Variants in WWC1 observed in about 807,000 individuals in gnomAD.
WWC1 encodes protein KIBRA.
A neutral mutation model predicts 138.4 loss-of-function variants in WWC1; 55 were observed. The observed-to-expected ratio is 0.40, with a 90% CI of 0.32 to 0.50. The LOEUF (loss-of-function observed/expected upper bound fraction) is 0.50, where lower values mean the gene tolerates loss of function less well. WWC1 is among the 20% of genes least tolerant of loss of function. The pLI, the probability that WWC1 is intolerant of heterozygous loss-of-function variation, is 0.72. For missense variants in WWC1, 1,226 were observed against 1,420.4 expected, an observed-to-expected ratio of 0.86 and a Z score of 2.20; for synonymous variants, 524 against 564.9, an observed-to-expected ratio of 0.93 and a Z score of 1.03.
At chr5:168,456,273 C>T (rs1205058385) in intron 19 of WWC1, among the ~76,000 whole-genome samples, 1 of 151,966 alleles carries the variant, frequency 6.6e-6, no homozygotes, top group East Asian at 1.9e-4. Flanking sequence ...CACAGCACTC[C>T]AGCCTGGGCA....
At chr5:168,408,838 G>A (rs1291431581) in intron 7 of WWC1, among the ~76,000 whole-genome samples, 185 bp downstream of exon 7, 1 of 152,162 alleles carries the variant, frequency 6.6e-6, no homozygotes, top group African/African-American at 2.4e-5. Flanking sequence ...AGGAGGATAT[G>A]ATGTGATGCT....
At chr5:168,434,005 C>G (rs1340280931) in intron 15 of WWC1, among the ~76,000 whole-genome samples, 1 of 152,248 alleles carries the variant, frequency 6.6e-6, no homozygotes, top group East Asian at 1.9e-4. Flanking sequence ...CACGTCAGCG[C>G]CTCTGTGTTG....
chr5:168,375,936 C>G (rs926277207), intron 2 of WWC1, among the ~76,000 whole-genome samples: 1 of 150,532 alleles, frequency 6.6e-6, no homozygotes, highest in Non-Finnish European at 1.5e-5. Flanking sequence ...ATTCAGTATC[C>G]CCGATTATCT....
Position 168,428,853 on chromosome 5 carries a change from G to T in WWC1, c.2000+66G>T, listed in dbSNP as rs946226711. The T allele has an allele frequency of 3.2e-6, 5 of 1,565,402 alleles. No individual in the cohort carries two copies. In the East Asian group the frequency reaches 1.1e-4, roughly 35 times the overall value. On this transcript the variant is annotated intron_variant, in intron 13 of 22. Transcript: ENST00000265293. ...GTGGGGTCCCTTCTTCATCCACAGC[G>T]TTCCCCAGCATTTACCTTCACAGCC...
At position 168,397,758 on chromosome 5, in the gene WWC1, C is replaced by A. The variant is rs1241779158; in HGVS notation, c.468C>A (p.Asp156Glu). 6.2e-7 allele frequency: 1 copy of A among 1,614,006 alleles called. No individual in the cohort carries two copies. Among genetic ancestry groups the A allele is most frequent in the South Asian group, 1.1e-5 (1 of 91,082 alleles). ...VSGSSSSSKY[D>E]PEILKAEIAT... Reference sequence around the variant, plus strand: ...GTTCATCATCCAGCTCCAAGTATGACCCTGAGATCCTGAAAGCTGAAATTG... The same window carrying A: ...GTTCATCATCCAGCTCCAAGTATGAACCTGAGATCCTGAAAGCTGAAATTG... Residue 156 changes from aspartate (D) to glutamate (E), a missense_variant, in exon 4 of 23, where the codon GAC becomes GAA. Coordinates refer to ENST00000265293, the MANE Select transcript of WWC1 (RefSeq NM_015238.3).
At chr5:168,466,428 C>T (rs1405953617) in intron 21 of WWC1, among the ~76,000 whole-genome samples, 1 of 152,188 alleles carries the variant, frequency 6.6e-6, no homozygotes, top group East Asian at 1.9e-4. Context: ...TGCACACAGC[C>T]AGCCTTGCTG....
intron 1 of WWC1, among the ~76,000 whole-genome samples, chr5:168,305,643 A>C (rs1210831135): frequency 6.6e-6 from 1 of 152,148 alleles, no homozygotes; most frequent in East Asian, 1.9e-4. Flanking sequence ...TTAGCTCTGC[A>C]ATGGACGAAT....
intron 9 of WWC1, among the ~76,000 whole-genome samples, chr5:168,417,838 G>A (rs913051773): frequency 2.0e-5 from 3 of 152,200 alleles, no homozygotes; most frequent in Non-Finnish European, 4.4e-5. Context: ...GTCTAAGGAG[G>A]AAGCCCACAG....
intron 1 of WWC1, among the ~76,000 whole-genome samples, chr5:168,332,972 G>A (rs1773162849): frequency 6.6e-6 from 1 of 152,134 alleles, no homozygotes; most frequent in Non-Finnish European, 1.5e-5. Flanking sequence ...GCCTCCCAAA[G>A]TACTGGGATT....
chr5:168,334,609 A>G (rs1324837175), intron 1 of WWC1, among the ~76,000 whole-genome samples: 1 of 151,950 alleles, frequency 6.6e-6, no homozygotes, highest in East Asian at 1.9e-4. Flanking sequence ...GAATTGCCCA[A>G]ATTATTTCTG....
intron 19 of WWC1, among the ~76,000 whole-genome samples, chr5:168,459,695 T>C (rs1212538876): frequency 6.6e-6 from 1 of 152,216 alleles, no homozygotes; most frequent in Non-Finnish European, 1.5e-5. Flanking sequence ...TTGCTGTGTT[T>C]GTCAGCTTAG....
At chr5:168,356,564 T>C (rs1373254114) in intron 1 of WWC1, among the ~76,000 whole-genome samples, 2 of 152,240 alleles carry the variant, frequency 1.3e-5, no homozygotes. Context: ...CAACCTTGTC[T>C]CTCAAATCAC....
chr5:168,384,767 G>A (rs10069963), intron 2 of WWC1, among the ~76,000 whole-genome samples: 8,966 of 143,118 alleles, frequency 0.063, 319 homozygotes, highest in African/African-American at 0.099. Flanking sequence ...ATCCAGGCTG[G>A]AGTGCAGTGG....
rs57339649 is a variant in WWC1 at position 168,336,571 on chromosome 5, CAAAAAAAAAAAA to C, written c.120-34840_120-34829del. ...TGGGCAACAGAGCCAGACTCTGTCT[CAAAAAAAAAAAA>C]AAAAAAAAAAAACAATACCTTGTGA... On this transcript the variant is annotated intron_variant, in intron 1 of 22. Coordinates refer to ENST00000265293, the MANE Select transcript of WWC1 (RefSeq NM_015238.3). 9.9e-3 allele frequency among the ~76,000 whole-genome samples: 573 copies of C among 58,030 alleles called. 10 individuals carry two copies. Among genetic ancestry groups the C allele is most frequent in the African/African-American group, 0.029 (531 of 18,546 alleles). The allele number at this position is 58,030 out of a possible 152,430, so 38.1% of individuals were successfully genotyped here.
At chr5:168,392,277 C>T (rs1355509823) in intron 3 of WWC1, among the ~76,000 whole-genome samples, 4 of 152,078 alleles carry the variant, frequency 2.6e-5, no homozygotes, top group Admixed American at 2.0e-4. Context: ...AGGTCATTAC[C>T]CTCTAGGCTG....
intron 19 of WWC1, 54 bp downstream of exon 19, chr5:168,455,574 C>G: frequency 6.3e-7 from 1 of 1,586,906 alleles, no homozygotes; most frequent in Non-Finnish European, 8.6e-7. Context: ...GAGAGCTTCA[C>G]ACAGGGCTGG....
chr5:168,348,254 G>A (rs1470374065), intron 1 of WWC1, among the ~76,000 whole-genome samples: 1 of 152,212 alleles, frequency 6.6e-6, no homozygotes, highest in Non-Finnish European at 1.5e-5. Context: ...ACTGTGATGT[G>A]TGTGCACGGG....
chr5:168,391,856 A>G (rs1778539834), intron 3 of WWC1, among the ~76,000 whole-genome samples: 1 of 150,318 alleles, frequency 6.7e-6, no homozygotes, highest in African/African-American at 2.4e-5. Context: ...AAGCAGACAG[A>G]CAGGTGGCAA....
chr5:168,429,258 T>A (rs1781752471), intron 13 of WWC1, among the ~76,000 whole-genome samples: 1 of 78,796 alleles, frequency 1.3e-5, no homozygotes, highest in Non-Finnish European at 2.3e-5. Context: ...TGATCTCAAT[T>A]TTTTTTTTTT....
Sources: gnomAD v4.1 joint callset for allele counts (sites outside exome capture counted in the v4.1 genomes callset) on GRCh38, gnomAD v4.1.1 for gene constraint, MANE v1.5 for transcripts, NCBI Gene and HGNC (gene_info 2026-07-23, HGNC 2026-07-21) for gene names.